The following OSBPL1A variants were observed in gnomAD, a reference collection of about 807,000 sequenced individuals.
OSBPL1A encodes oxysterol-binding protein-related protein 1.
In OSBPL1A, 80 loss-of-function variants were observed where a neutral mutation model predicts 137.1. The observed-to-expected ratio is 0.58, with a 90% CI of 0.49 to 0.70. OSBPL1A has a LOEUF of 0.70. Ranked by LOEUF, OSBPL1A falls within the 30% of genes least tolerant of loss-of-function variation. The pLI, the probability that OSBPL1A is intolerant of heterozygous loss-of-function variation, is 0.00. For synonymous variants in OSBPL1A, 365 were observed against 389.7 expected, an observed-to-expected ratio of 0.94 and a Z score of 0.75; for missense variants, 970 against 1,129.4, an observed-to-expected ratio of 0.86 and a Z score of 2.02.
chr18:24,175,177 T>G (rs1282163825), intron 21 of OSBPL1A, among the ~76,000 whole-genome samples: 1 of 146,572 alleles, frequency 6.8e-6, no homozygotes, highest in Non-Finnish European at 1.5e-5. Flanking sequence ...TCATTTTTTA[T>G]TGTTCTTTTT....
At chr18:24,189,910 G>A (rs747760064) in intron 18 of OSBPL1A, among the ~76,000 whole-genome samples, 24 of 152,262 alleles carry the variant, frequency 1.6e-4, no homozygotes, top group African/African-American at 3.6e-4. Context: ...AAAGGAAGGC[G>A]CCACGGAGTG....
chr18:24,175,577 ACTATT>A (rs1567920766), intron 21 of OSBPL1A, among the ~76,000 whole-genome samples: 1 of 152,166 alleles, frequency 6.6e-6, no homozygotes, highest in African/African-American at 2.4e-5. Context: ...AATAATTTTT[ACTATT>A]CTATAGTTTA....
chr18:24,302,807 T>C (rs1001300472), intron 14 of OSBPL1A: 4 of 152,150 alleles, frequency 2.6e-5, no homozygotes, highest in African/African-American at 9.7e-5. Context: ...GATTAATAAT[T>C]AGCTAGACAA....
intron 14 of OSBPL1A, among the ~76,000 whole-genome samples, chr18:24,293,119 A>G (rs1428386581): frequency 6.6e-5 from 9 of 135,878 alleles, no homozygotes; most frequent in Non-Finnish European, 3.2e-5. Flanking sequence ...AAAAAAAAAA[A>G]AAAAAAAAAG....
intron 18 of OSBPL1A, among the ~76,000 whole-genome samples, chr18:24,185,334 T>C (rs1012276424): frequency 8.0e-6 from 1 of 125,092 alleles, no homozygotes; most frequent in Non-Finnish European, 1.5e-5. Context: ...TTTTCTTTTT[T>C]TTTTTTTTTT....
At chr18:24,181,047 A>G in intron 19 of OSBPL1A, 98 bp downstream of exon 19, 1 of 1,416,248 alleles carries the variant, frequency 7.1e-7, no homozygotes, top group Non-Finnish European at 9.5e-7. Flanking sequence ...CCAACCTCAC[A>G]TTGAATTTAA....
intron 17 of OSBPL1A, among the ~76,000 whole-genome samples, chr18:24,204,395 AT>A (rs892225309): frequency 6.6e-6 from 1 of 151,860 alleles, no homozygotes. Context: ...TTTAGTAAGA[AT>A]TTTTTTTGTA....
At chr18:24,263,794 C>T (rs1377918088) in intron 15 of OSBPL1A, among the ~76,000 whole-genome samples, 5 of 151,966 alleles carry the variant, frequency 3.3e-5, no homozygotes, top group South Asian at 2.1e-4. Context: ...CGTCACTGCA[C>T]CTGGCTAATT....
chr18:24,239,147 C>A, intron 16 of OSBPL1A, 73 bp downstream of exon 16: 1 of 1,555,602 alleles, frequency 6.4e-7, no homozygotes, highest in Non-Finnish European at 8.7e-7. Flanking sequence ...GTGGTGGACT[C>A]AAGGGGACAT....
chr18:24,326,603 C>T (rs1322684987), intron 7 of OSBPL1A, among the ~76,000 whole-genome samples: 1 of 152,156 alleles, frequency 6.6e-6, no homozygotes, highest in East Asian at 1.9e-4. Context: ...ATGATCAGAC[C>T]ACGCAGTGAG....
intron 17 of OSBPL1A, among the ~76,000 whole-genome samples, chr18:24,215,271 T>C (rs567120627): frequency 1.3e-5 from 2 of 152,358 alleles, no homozygotes; most frequent in African/African-American, 4.8e-5. Context: ...TGAAATTTAC[T>C]ATGGTAAAAT....
intron 14 of OSBPL1A, among the ~76,000 whole-genome samples, chr18:24,293,764 A>T (rs1197821089): frequency 6.6e-6 from 1 of 152,178 alleles, no homozygotes; most frequent in African/African-American, 2.4e-5. Flanking sequence ...TCTGCAGGTC[A>T]TTAGAATGAC....
chr18:24,212,221 C>A, intron 17 of OSBPL1A, among the ~76,000 whole-genome samples: 1 of 151,326 alleles, frequency 6.6e-6, no homozygotes, highest in South Asian at 2.1e-4. Flanking sequence ...GCGCACACCA[C>A]CACACCTGGC....
At chr18:24,196,367 C>A (rs1215797479) in intron 17 of OSBPL1A, among the ~76,000 whole-genome samples, 167 bp from the exon 18 acceptor site, 1 of 152,196 alleles carries the variant, frequency 6.6e-6, no homozygotes, top group Non-Finnish European at 1.5e-5. Context: ...CACCTGTTCA[C>A]CTATACCTAC....
At chr18:24,175,108 GTATATATA>G (rs71163664) in intron 21 of OSBPL1A, among the ~76,000 whole-genome samples, 61,971 of 111,336 alleles carry the variant, frequency 0.56, 18,120 homozygotes, top group Non-Finnish European at 0.66. Context: ...CCATGTGTAT[GTATATATA>G]TATATATATA....
At chr18:24,241,244 A>C (rs1013264155) in intron 15 of OSBPL1A, among the ~76,000 whole-genome samples, 1 of 152,362 alleles carries the variant, frequency 6.6e-6, no homozygotes, top group South Asian at 2.1e-4. Flanking sequence ...AAATACCAAA[A>C]GCAATGGCAA....
chr18:24,233,946 G>A (rs1480984477), intron 16 of OSBPL1A, among the ~76,000 whole-genome samples: 1 of 152,060 alleles, frequency 6.6e-6, no homozygotes, highest in Admixed American at 6.6e-5. Context: ...AGCCTCTGCG[G>A]GGTCCTATTA....
At chr18:24,215,634 A>G (rs1217070489) in intron 17 of OSBPL1A, among the ~76,000 whole-genome samples, 1 of 152,140 alleles carries the variant, frequency 6.6e-6, no homozygotes, top group Non-Finnish European at 1.5e-5. Flanking sequence ...CCCTGAGGCG[A>G]TTTTCTCCTT....
chr18:24,208,794 C>G (rs1288523114), intron 17 of OSBPL1A, among the ~76,000 whole-genome samples: 3 of 152,140 alleles, frequency 2.0e-5, no homozygotes, highest in African/African-American at 7.2e-5. Flanking sequence ...CGCACATTTA[C>G]AATGAGAAAC....
Sources: allele counts gnomAD v4.1 joint callset (sites outside exome capture counted in the v4.1 genomes callset), GRCh38; gene constraint gnomAD v4.1.1; transcripts MANE v1.5; gene names NCBI Gene and HGNC (gene_info 2026-07-23, HGNC 2026-07-21).